Variants in CACNA2D3 observed in about 807,000 individuals in gnomAD.
CACNA2D3 encodes calcium voltage-gated channel auxiliary subunit alpha2delta 3, also known as voltage-dependent calcium channel subunit alpha-2/delta-3.
In CACNA2D3, 60 loss-of-function variants were observed where a neutral mutation model predicts 160.6. The ratio of observed to expected loss-of-function variants is 0.37; its 90% CI spans 0.30 to 0.46. The LOEUF (loss-of-function observed/expected upper bound fraction) is 0.46. CACNA2D3 is among the 20% of genes least tolerant of loss of function. The probability of loss-of-function intolerance (pLI) is 1.00; values close to 1 mark genes in which losing one functional copy is unlikely to be tolerated. For missense variants in CACNA2D3, 1,205 were observed against 1,365.0 expected, an observed-to-expected ratio of 0.88 and a Z score of 1.85; for synonymous variants, 558 against 492.9, an observed-to-expected ratio of 1.13 and a Z score of -1.75.
At chr3:55,021,615 ATGTGTG>A (rs1316787642) in intron 35 of CACNA2D3, among the ~76,000 whole-genome samples, 16 of 111,266 alleles carry the variant, frequency 1.4e-4, no homozygotes, top group African/African-American at 5.7e-4. Context: ...ATATATATAT[ATGTGTG>A]TGTGTATATA....
chr3:54,739,370 G>A (rs377753228), intron 11 of CACNA2D3, among the ~76,000 whole-genome samples: 25 of 145,640 alleles, frequency 1.7e-4, no homozygotes, highest in Admixed American at 9.2e-4. Context: ...CAGTGAGCCA[G>A]GATCCCACCA....
At position 54,887,165 on chromosome 3, in the gene CACNA2D3, C is replaced by T. The variant is rs113660201; in HGVS notation, c.2057-794C>T. Among the ~76,000 whole-genome samples the T allele has an allele frequency of 4.0e-3, 607 of 152,204 alleles. 3 individuals are homozygous for T. Among genetic ancestry groups the T allele is most frequent in the African/African-American group, 0.014 (568 of 41,510 alleles). On this transcript the variant is annotated intron_variant, in intron 23 of 37. Transcript: ENST00000474759. ...TCTTGGCCGAGCGTGGTGGCTCATG[C>T]CTGTAATCCCAGCACTTTGGGAGGC...
chr3:54,498,053 T>C (rs1220168866), intron 4 of CACNA2D3, among the ~76,000 whole-genome samples: 2 of 151,660 alleles, frequency 1.3e-5, no homozygotes, highest in Non-Finnish European at 3.0e-5. Flanking sequence ...GTTTTTTTTT[T>C]TTTTAAAGTT....
chr3:54,763,101 AAG>A (rs1553837420), intron 12 of CACNA2D3, among the ~76,000 whole-genome samples: 31 of 136,240 alleles, frequency 2.3e-4, no homozygotes, highest in Non-Finnish European at 3.9e-4. Flanking sequence ...AAAAAAAAAA[AAG>A]AAAGAAAAAG....
intron 13 of CACNA2D3, among the ~76,000 whole-genome samples, chr3:54,813,865 T>TC (rs1378321495): frequency 7.7e-5 from 11 of 143,276 alleles, no homozygotes; most frequent in African/African-American, 2.9e-4. Context: ...ATAATATTCT[T>TC]TTTTTTTTTT....
chr3:54,438,266 T>G (rs1478682252), intron 4 of CACNA2D3, among the ~76,000 whole-genome samples: 1 of 152,196 alleles, frequency 6.6e-6, no homozygotes, highest in East Asian at 1.9e-4. Context: ...GTGAAGTATG[T>G]AAAATAATTG....
intron 13 of CACNA2D3, among the ~76,000 whole-genome samples, chr3:54,809,932 A>G (rs185994584): frequency 3.4e-4 from 52 of 152,298 alleles, no homozygotes; most frequent in African/African-American, 1.1e-3. Flanking sequence ...AAAAACCTAA[A>G]CAAGTAAAGA....
At chr3:55,052,278 A>G (rs568747158) in intron 35 of CACNA2D3, among the ~76,000 whole-genome samples, 1 of 152,124 alleles carries the variant, frequency 6.6e-6, no homozygotes, top group Admixed American at 6.5e-5. Flanking sequence ...GTTCTATTTT[A>G]TTATGGTTTG....
intron 5 of CACNA2D3, among the ~76,000 whole-genome samples, chr3:54,505,271 T>C (rs1701351441): frequency 6.6e-6 from 1 of 152,162 alleles, no homozygotes; most frequent in Non-Finnish European, 1.5e-5. Context: ...AATGAGATAA[T>C]TAGAACACCA....
chr3:54,451,693 T>A (rs557247071), intron 4 of CACNA2D3, among the ~76,000 whole-genome samples: 1 of 152,308 alleles, frequency 6.6e-6, no homozygotes, highest in East Asian at 1.9e-4. Flanking sequence ...GGATTTCTTT[T>A]TGATTAACAA....
intron 2 of CACNA2D3, among the ~76,000 whole-genome samples, chr3:54,304,244 C>T (rs1703546860): frequency 6.6e-6 from 1 of 152,124 alleles, no homozygotes; most frequent in South Asian, 2.1e-4. Context: ...AGGCCTGTTG[C>T]TTCAAATGAG....
intron 11 of CACNA2D3, among the ~76,000 whole-genome samples, chr3:54,723,426 G>T (rs965367908): frequency 5.9e-5 from 9 of 152,186 alleles, no homozygotes; most frequent in African/African-American, 1.9e-4. Flanking sequence ...GGCATTCCAG[G>T]CGCCACTGGG....
chr3:55,014,832 A>G (rs959122309), intron 34 of CACNA2D3, among the ~76,000 whole-genome samples: 4 of 152,308 alleles, frequency 2.6e-5, no homozygotes, highest in African/African-American at 9.6e-5. Flanking sequence ...CTGCACATAT[A>G]TGTGGTGTTT....
At position 54,285,124 on chromosome 3, in the gene CACNA2D3, G is replaced by C. The variant is rs551227316; in HGVS notation, c.205-35318G>C. Among the ~76,000 whole-genome samples, 63 of 152,322 alleles carry C rather than the reference G, an allele frequency of 4.1e-4. 1 individual carries two copies. The highest frequency in any genetic ancestry group is 1.4e-3 in the African/African-American group (59 of 41,576). On this transcript the variant is annotated intron_variant, in intron 2 of 37. Coordinates refer to ENST00000474759, the MANE Select transcript of CACNA2D3 (RefSeq NM_018398.3). Reference sequence around the variant, plus strand: ...GCGCACCGTGCGCGAGCCGAAGCAGGACGAGGCATTGTCTCACTCGGGAAG... The same window carrying C: ...GCGCACCGTGCGCGAGCCGAAGCAGCACGAGGCATTGTCTCACTCGGGAAG...
intron 3 of CACNA2D3, among the ~76,000 whole-genome samples, chr3:54,372,874 A>G (rs1698950033): frequency 6.6e-6 from 1 of 152,218 alleles, no homozygotes. Flanking sequence ...AGAGGGTGAA[A>G]ATGTCATTCC....
intron 2 of CACNA2D3, among the ~76,000 whole-genome samples, chr3:54,125,028 C>G (rs1452461762): frequency 6.6e-6 from 1 of 152,178 alleles, no homozygotes; most frequent in African/African-American, 2.4e-5. Flanking sequence ...GAATTCTGGA[C>G]TGTAGCATTG....
intron 9 of CACNA2D3, among the ~76,000 whole-genome samples, chr3:54,619,041 A>C (rs1387318321): frequency 6.6e-6 from 1 of 152,232 alleles, no homozygotes; most frequent in Non-Finnish European, 1.5e-5. Flanking sequence ...AAATTTCAGA[A>C]AGACGTGAAG....
chr3:54,945,550 A>G (rs2106998875), intron 27 of CACNA2D3, among the ~76,000 whole-genome samples: 1 of 152,158 alleles, frequency 6.6e-6, no homozygotes, highest in African/African-American at 2.4e-5. Context: ...ACTTCTTTCC[A>G]TTCCCTCCCA....
Position 55,018,231 on chromosome 3 carries a change from G to T in CACNA2D3, c.2901G>T (p.Glu967Asp). ...CCCAGAAATTGAAACAGACCCTGGA[G>T]CCTTGTGATACTGAATATCCAGCAT... ...AKAQKLKQTL[E>D]PCDTEYPAFV... The change falls in exon 35 of 38, where the codon GAG (glutamate) becomes GAT (aspartate). Residue 967 changes from glutamate to aspartate, a missense_variant. Physicochemically the swap from Glu to Asp is conservative, Grantham distance 45 (BLOSUM62 2). This residue lies in a region of CACNA2D3 where 911 missense variants were observed against 1,002.2 expected (regional missense o/e 0.91). Coordinates refer to ENST00000474759, the MANE Select transcript of CACNA2D3 (RefSeq NM_018398.3). The T allele has an allele frequency of 6.2e-7, 1 of 1,612,696 alleles. No individual in the cohort carries two copies. The highest frequency in any genetic ancestry group is 8.5e-7 in the Non-Finnish European group (1 of 1,179,018).
Sources: gnomAD v4.1 joint callset for allele counts (sites outside exome capture counted in the v4.1 genomes callset) on GRCh38, gnomAD v4.1.1 for gene constraint, gnomAD v4.1.1 regional missense constraint, MANE v1.5 for transcripts, NCBI Gene and HGNC (gene_info 2026-07-23, HGNC 2026-07-21) for gene names.